Variants in VPS35L observed in about 807,000 individuals in gnomAD.
VPS35L encodes VPS35 endosomal protein sorting factor like.
VPS35L carries 83 observed loss-of-function variants against 133.0 expected under a neutral mutation model. The observed-to-expected ratio is 0.62, with a 90% CI of 0.52 to 0.75. The LOEUF (loss-of-function observed/expected upper bound fraction) is 0.75, where lower values mean the gene tolerates loss of function less well. Ranked by LOEUF, VPS35L falls within the 30% of genes least tolerant of loss-of-function variation. The pLI, the probability that VPS35L is intolerant of heterozygous loss-of-function variation, is 0.00. For synonymous variants in VPS35L, 423 were observed against 449.9 expected, an observed-to-expected ratio of 0.94 and a Z score of 0.76; for missense variants, 1,083 against 1,206.8, an observed-to-expected ratio of 0.90 and a Z score of 1.52.
At chr16:19,580,253 A>G (rs906393430) in intron 6 of VPS35L, among the ~76,000 whole-genome samples, 2 of 151,236 alleles carry the variant, frequency 1.3e-5, no homozygotes, top group African/African-American at 4.9e-5. Context: ...AACTGGGATT[A>G]CAGGCACGCG....
At chr16:19,605,629 C>T (rs1009546645) in intron 9 of VPS35L, among the ~76,000 whole-genome samples, 1 of 152,164 alleles carries the variant, frequency 6.6e-6, no homozygotes, top group African/African-American at 2.4e-5. Flanking sequence ...ATGTTTCTTC[C>T]ACATCTAGGC....
intron 6 of VPS35L, among the ~76,000 whole-genome samples, chr16:19,580,686 T>G (rs1971681263): frequency 1.3e-5 from 2 of 152,140 alleles, no homozygotes; most frequent in Non-Finnish European, 2.9e-5. Context: ...TCCTGATTAC[T>G]CTCTCCTTGG....
intron 3 of VPS35L, among the ~76,000 whole-genome samples, chr16:19,572,582 T>C (rs1032387032): frequency 1.3e-5 from 2 of 152,226 alleles, no homozygotes; most frequent in Non-Finnish European, 2.9e-5. Flanking sequence ...CTCTTTGACA[T>C]TCTGATAGTT....
chr16:19,626,095 T>C, intron 14 of VPS35L, 82 bp from the exon 15 acceptor site: 1 of 881,412 alleles, frequency 1.1e-6, no homozygotes, highest in Non-Finnish European at 1.7e-6. Context: ...CATTTTAGAG[T>C]TCGACTTTGG....
intron 7 of VPS35L, among the ~76,000 whole-genome samples, chr16:19,585,255 A>G (rs1482229445): frequency 6.6e-6 from 1 of 152,166 alleles, no homozygotes; most frequent in Non-Finnish European, 1.5e-5. Flanking sequence ...TAGGAATGGA[A>G]TTGCTGGGTC....
chr16:19,643,409 A>G (rs1286469602), intron 22 of VPS35L, among the ~76,000 whole-genome samples: 5 of 152,198 alleles, frequency 3.3e-5, no homozygotes, highest in African/African-American at 1.2e-4. Flanking sequence ...TCTTTCAAAC[A>G]TCATCCAGGG....
intron 21 of VPS35L, 117 bp from the exon 22 acceptor site, chr16:19,642,279 A>C: frequency 1.3e-6 from 1 of 798,116 alleles, no homozygotes; most frequent in Non-Finnish European, 2.0e-6. Context: ...GGCTGGGTGA[A>C]ATGCCAGCTG....
At chr16:19,680,236 A>G (rs1975221424) in intron 27 of VPS35L, among the ~76,000 whole-genome samples, 2 of 152,194 alleles carry the variant, frequency 1.3e-5, no homozygotes, top group South Asian at 2.1e-4. Flanking sequence ...GGTAGCTGCT[A>G]TTAATATTAG....
In VPS35L at chr16:19,579,087, A is replaced by G; in HGVS notation, c.469A>G (p.Lys157Glu). The G allele has an allele frequency of 6.2e-7, 1 of 1,614,190 alleles. No homozygotes were observed. The highest frequency in any genetic ancestry group is 1.1e-5 in the South Asian group (1 of 91,072). Residue 157 changes from lysine to glutamate, a missense_variant, in exon 6 of 31, where the codon AAG (lysine) becomes GAG (glutamate). Transcript: ENST00000417362. ...AGTATLAMSE[K>E]VRTRLEELDD... ...GACTGCCACATTGGCAATGTCAGAG[A>G]AGGTGCGGACCCGGCTGGAGGAGCT... is the stretch of plus-strand genomic sequence containing the variant.
chr16:19,601,647 T>A lies in VPS35L; in HGVS notation c.725-17T>A. 1.2e-6 allele frequency: 2 copies of A among 1,613,616 alleles called. No individual in the cohort carries two copies. Among genetic ancestry groups the A allele is most frequent in the Non-Finnish European group, 1.7e-6 (2 of 1,179,520 alleles). On this transcript the variant is annotated splice_polypyrimidine_tract_variant and intron_variant, in intron 8 of 30. Transcript: ENST00000417362. ...TGAAGAGTGTGATACTAACACCATCTGTCCTTTTCCTCCCAGGAAAGCTCG... is the reference window on the plus strand; with the variant it reads ...TGAAGAGTGTGATACTAACACCATCAGTCCTTTTCCTCCCAGGAAAGCTCG...
intron 9 of VPS35L, among the ~76,000 whole-genome samples, chr16:19,605,717 A>G (rs920826186): frequency 2.0e-5 from 3 of 152,100 alleles, no homozygotes; most frequent in African/African-American, 7.2e-5. Flanking sequence ...CACTACATCT[A>G]ATGAGCCCCT....
At chr16:19,675,135 G>C (rs1474654709) in intron 27 of VPS35L, among the ~76,000 whole-genome samples, 1 of 151,912 alleles carries the variant, frequency 6.6e-6, no homozygotes, top group Non-Finnish European at 1.5e-5. Context: ...GAGTTTTGTG[G>C]CGACAAGGTC....
Position 19,628,773 on chromosome 16 carries a change from T to C in VPS35L, c.1500+20T>C. ...CCACAGGTGAGTGGCCATTTTATTT[T>C]TATTTTTATTTATTTATTTATTTAT... On this transcript the variant is annotated intron_variant, in intron 17 of 30. Coordinates refer to ENST00000417362, the MANE Select transcript of VPS35L (RefSeq NM_020314.7). 1 of 957,958 alleles carries C rather than the reference T, an allele frequency of 1.0e-6. No individual in the cohort carries two copies. 59.3% of individuals were successfully genotyped at this position (957,958 alleles called of 1,614,324 possible). A position where few individuals can be genotyped will look rare whatever the true frequency, so the allele number is the denominator to read the frequency against.
At chr16:19,668,025 T>C (rs1423753078) in intron 26 of VPS35L, among the ~76,000 whole-genome samples, 1 of 152,122 alleles carries the variant, frequency 6.6e-6, no homozygotes, top group Non-Finnish European at 1.5e-5. Flanking sequence ...TCCCTCTCCT[T>C]TGAAGAAGGA....
Position 19,639,990 on chromosome 16 carries a change from T to C in VPS35L, c.1699-25T>C, listed in dbSNP as rs777137563. 13 of 1,586,186 alleles carry C rather than the reference T, an allele frequency of 8.2e-6. No individual in the cohort carries two copies. In the South Asian group the frequency reaches 8.9e-5, roughly 11 times the overall value. On this transcript the variant is annotated intron_variant, in intron 20 of 30. Transcript: ENST00000417362. The surrounding 1 kb of genome is among the most constrained non-coding windows in gnomAD (Gnocchi z 4.1). Reference sequence around the variant, plus strand: ...CTTCCAATAACTTGTGTCATTTGCATATAGAGTGCTTGCTTTATTTATAGG... The same window carrying C: ...CTTCCAATAACTTGTGTCATTTGCACATAGAGTGCTTGCTTTATTTATAGG...
chr16:19,700,185 T>C (rs1597452806), intron 30 of VPS35L, among the ~76,000 whole-genome samples, 193 bp from the exon 31 acceptor site: 1 of 152,188 alleles, frequency 6.6e-6, no homozygotes, highest in East Asian at 1.9e-4. Flanking sequence ...TCTGGTCACG[T>C]CCAAATCTGA....
At chr16:19,687,002 A>G (rs1975485310) in intron 28 of VPS35L, among the ~76,000 whole-genome samples, 1 of 152,090 alleles carries the variant, frequency 6.6e-6, no homozygotes, top group African/African-American at 2.4e-5. Flanking sequence ...CTCCATCTCA[A>G]ATACCTCTGC....
intron 7 of VPS35L, among the ~76,000 whole-genome samples, chr16:19,585,595 G>A (rs1971840163): frequency 6.6e-6 from 1 of 151,768 alleles, no homozygotes; most frequent in Admixed American, 6.6e-5. Context: ...TGTAGAGACA[G>A]GGCCATGCTG....
intron 12 of VPS35L, among the ~76,000 whole-genome samples, chr16:19,613,565 C>A (rs528002222): frequency 6.6e-6 from 1 of 152,244 alleles, no homozygotes; most frequent in East Asian, 1.9e-4. Flanking sequence ...TGGCCCATAG[C>A]GGCCTCTGGC....
Sources: allele counts gnomAD v4.1 joint callset (sites outside exome capture counted in the v4.1 genomes callset), GRCh38; gene constraint gnomAD v4.1.1; non-coding constraint Gnocchi (gnomAD v3.1); transcripts MANE v1.5; gene names NCBI Gene and HGNC (gene_info 2026-07-23, HGNC 2026-07-21).